GIPC1: variants seen among roughly 807,000 people sequenced by gnomAD.
The protein encoded by GIPC1 is GIPC PDZ domain containing family member 1.
GIPC1 carries 15 observed loss-of-function variants against 28.5 expected under a neutral mutation model. The observed-to-expected ratio is 0.53, with a 90% CI of 0.35 to 0.81. The LOEUF is 0.81. GIPC1 is among the 30% of genes least tolerant of loss of function. The pLI is 0.01. For synonymous variants in GIPC1, 224 were observed against 206.1 expected (o/e 1.09, Z -0.74); for missense variants, 439 against 481.9 (o/e 0.91, Z 0.83).
chr19:14,488,370 G>C (rs1470594943), intron 3 of GIPC1, among the ~76,000 whole-genome samples: 1 of 152,088 alleles, frequency 6.6e-6, no homozygotes, highest in Admixed American at 6.6e-5. Flanking sequence ...AGAATCACTT[G>C]AATGCAGGAG....
Position 14,482,701 on chromosome 19 carries a change from CAGGCGGA to C in GIPC1, c.269_275del (p.Phe90CysfsTer6). ...CCCCAGTGGATACCTCGGCAGTTGG[CAGGCGGA>C]AGGCCTCGGCGATCTTGCCATACAG... On this transcript the variant is annotated frameshift_variant, in exon 4 of 9. Coordinates refer to ENST00000393033, the MANE Select transcript of GIPC1 (RefSeq NM_005716.4). LOFTEE classifies it high-confidence loss of function. 6.2e-7 allele frequency: 1 copy of C among 1,611,250 alleles called. No individual in the cohort carries two copies. The highest frequency in any genetic ancestry group is 1.3e-5 in the African/African-American group (1 of 75,008).
chr19:14,485,074 C>T (rs966195537), intron 3 of GIPC1, among the ~76,000 whole-genome samples: 1 of 151,702 alleles, frequency 6.6e-6, no homozygotes, highest in African/African-American at 2.4e-5. Context: ...ACGAGAGAAT[C>T]GCTTGAACCT....
At chr19:14,489,681 TA>T (rs2071924110) in intron 3 of GIPC1, 5 of 785,158 alleles carry the variant, frequency 6.4e-6, no homozygotes, top group Non-Finnish European at 1.2e-5. Context: ...TACTATGATG[TA>T]AAAATTAGGT....
intron 2 of GIPC1, among the ~76,000 whole-genome samples, 152 bp from the exon 3 acceptor site, chr19:14,491,895 A>C (rs1699587334): frequency 6.6e-6 from 1 of 151,978 alleles, no homozygotes; most frequent in South Asian, 2.1e-4. Context: ...ATGAGCCACC[A>C]CGCCCAGCCA....
intron 5 of GIPC1, 47 bp downstream of exon 5, chr19:14,480,546 C>T: frequency 6.2e-7 from 1 of 1,605,498 alleles, no homozygotes; most frequent in Non-Finnish European, 8.5e-7. Flanking sequence ...GGTCCCATGG[C>T]CCACCCTCAC....
chr19:14,485,702 T>G lies in GIPC1; in HGVS notation c.-30-2696A>C, dbSNP rs201666181. Among the ~76,000 whole-genome samples, 535 of 58,670 alleles carry G rather than the reference T, an allele frequency of 9.1e-3. 5 individuals are homozygous for G. The highest frequency in any genetic ancestry group is 0.029 in the East Asian group (88 of 3,022). The allele number at this position is 58,670 out of a possible 152,430, so 38.5% of individuals were successfully genotyped here. A position where few individuals can be genotyped will look rare whatever the true frequency, so the allele number is the denominator to read the frequency against. ...ATAAACAAATATATATATATATATA[T>G]AGAGAGAGAGAGAGAGAGAGAGAGA... On this transcript the variant is annotated intron_variant, in intron 3 of 8. Transcript: ENST00000393033.
intron 2 of GIPC1, among the ~76,000 whole-genome samples, 198 bp downstream of exon 2, chr19:14,492,659 T>C (rs548616545): frequency 6.4e-4 from 98 of 152,254 alleles, no homozygotes; most frequent in African/African-American, 2.2e-3. Context: ...CCAAGATCCC[T>C]ACATCCTGAC....
In GIPC1 at chr19:14,483,026, G is replaced by C. The variant is rs182986551; in HGVS notation, c.-30-20C>G. On this transcript the variant is annotated intron_variant, in intron 3 of 8. Transcript: ENST00000393033. ...GAAGATCTGCAGGACAGGAAGTGGGGCTCAGGGCCTGGGCAGAGGCCTTGG... is the reference window on the plus strand; with the variant it reads ...GAAGATCTGCAGGACAGGAAGTGGGCCTCAGGGCCTGGGCAGAGGCCTTGG... The C allele has an allele frequency of 1.3e-6, 2 of 1,571,908 alleles. No individual in the cohort carries two copies. The highest frequency in any genetic ancestry group is 2.7e-5 in the African/African-American group (2 of 74,228).
In GIPC1 at chr19:14,482,855, C is replaced by T. The variant is rs758629720; in HGVS notation, c.122G>A (p.Gly41Glu). Residue 41 changes from glycine to glutamate, a missense_variant, in exon 4 of 9, where the codon GGG becomes GAG. Gly to Glu is a moderately conservative substitution (Grantham distance 98). Transcript: ENST00000393033. The stretch of plus-strand genomic sequence containing the variant: ...GGGGGGCAAGCCCATTTGGGGGCCC[C>T]CCGACCCACCTCCGCCCAGAGGCCC... The part of the protein sequence containing the change: ...EPGPLGGGGS[G>E]GPQMGLPPPP... 4 of 1,575,074 alleles carry T rather than the reference C, an allele frequency of 2.5e-6. No individual in the cohort carries two copies. Among genetic ancestry groups the T allele is most frequent in the Admixed American group, 3.7e-5 (2 of 54,456 alleles).
At chr19:14,487,949 G>T (rs1241403534) in intron 3 of GIPC1, among the ~76,000 whole-genome samples, 1 of 152,070 alleles carries the variant, frequency 6.6e-6, no homozygotes, top group East Asian at 1.9e-4. Flanking sequence ...CTAACGAGCT[G>T]GGATTATAGG....
rs1241225573 is a variant in GIPC1, at chr19:14,480,782, C to G, written c.289-4G>C. The G allele has an allele frequency of 1.9e-6, 3 of 1,604,722 alleles. No homozygotes were observed. Among genetic ancestry groups the G allele is most frequent in the South Asian group, 1.1e-5 (1 of 90,618 alleles). On this transcript the variant is annotated splice_region_variant and splice_polypyrimidine_tract_variant and intron_variant, in intron 4 of 8. Coordinates refer to ENST00000393033, the MANE Select transcript of GIPC1 (RefSeq NM_005716.4). ...TGTTCAGGGTGCAGAACATCACCTGCAGGGGTGGGAGACGCTGAAACCTCT... is the reference window on the plus strand; with the variant it reads ...TGTTCAGGGTGCAGAACATCACCTGGAGGGGTGGGAGACGCTGAAACCTCT...
rs746816285 is a variant in GIPC1 at position 14,480,466 on chromosome 19, A to G, written c.494T>C (p.Val165Ala). The change falls in exon 6 of 9, where the codon GTG becomes GCG. Residue 165 changes from valine (V) to alanine (A), a missense_variant. Coordinates refer to ENST00000393033, the MANE Select transcript of GIPC1 (RefSeq NM_005716.4). ...GCTGATGAGGTGGATGTGGTCGATC[A>G]CGCTGCCCTCCTTGATGCGCTGCGG... Reference protein sequence around the residue: ...AFIKRIKEGSVIDHIHLISVG... With the variant: ...AFIKRIKEGSAIDHIHLISVG... The G allele has an allele frequency of 6.2e-7, 1 of 1,612,494 alleles. No individual in the cohort carries two copies. Among genetic ancestry groups the G allele is most frequent in the Non-Finnish European group, 8.5e-7 (1 of 1,178,940 alleles).
chr19:14,495,264 T>G (rs2072051539), intron 1 of GIPC1, among the ~76,000 whole-genome samples: 1 of 119,374 alleles, frequency 8.4e-6, no homozygotes, highest in Non-Finnish European at 1.6e-5. Context: ...CCTGTTTGAG[T>G]GGCTGGTAAA....
Position 14,478,414 on chromosome 19 carries a change from T to G in GIPC1, c.*2A>C, listed in dbSNP as rs1388602632. 6.2e-7 allele frequency: 1 copy of G among 1,605,196 alleles called. No individual in the cohort carries two copies. Among genetic ancestry groups the G allele is most frequent in the Non-Finnish European group, 8.5e-7 (1 of 1,176,396 alleles). On this transcript the variant is annotated 3_prime_UTR_variant, in exon 9 of 9. Transcript: ENST00000393033. This position sits in a 1 kb window ranked among gnomAD's most constrained non-coding sequence, Gnocchi z 5.2. ...TCATCATCGCAGGGTCCGGGGGCAG[T>G]CCTAGTAGCGGCCGACCTTGGCGTC... is the stretch of plus-strand genomic sequence containing the variant.
chr19:14,486,091 G>T (rs1568365508), intron 3 of GIPC1, among the ~76,000 whole-genome samples: 1 of 152,022 alleles, frequency 6.6e-6, no homozygotes, highest in Non-Finnish European at 1.5e-5. Context: ...TTTCTCTGTT[G>T]CCCAGGCTGG....
chr19:14,478,906 G>T lies in GIPC1; in HGVS notation c.769-141C>A. 1.4e-6 allele frequency: 1 copy of T among 723,084 alleles called. No homozygotes were observed. The highest frequency in any genetic ancestry group is 2.5e-6 in the Non-Finnish European group (1 of 405,736). 44.8% of individuals were successfully genotyped at this position (723,084 alleles called of 1,614,324 possible). On this transcript the variant is annotated intron_variant, in intron 7 of 8. Transcript: ENST00000393033. The surrounding 1 kb of genome is among the most constrained non-coding windows in gnomAD (Gnocchi z 5.2). ...CCTGAGAAGGTGGTATCGGTGTTCA[G>T]CTCATCCCCATTTTACTGATGGGCA...
chr19:14,483,127 C>G, intron 3 of GIPC1, 121 bp from the exon 4 acceptor site: 1 of 656,768 alleles, frequency 1.5e-6, no homozygotes, highest in Non-Finnish European at 2.6e-6. Flanking sequence ...GGTTGAAATC[C>G]TCATCTCTTG....
chr19:14,486,815 G>A (rs1248734452), intron 3 of GIPC1, among the ~76,000 whole-genome samples: 2 of 148,538 alleles, frequency 1.3e-5, no homozygotes, highest in South Asian at 2.1e-4. Flanking sequence ...GGGTTCAAGC[G>A]ATTCACCTGC....
At position 14,478,441 on chromosome 19, in the gene GIPC1, C is replaced by T. The variant is rs2071648947; in HGVS notation, c.977G>A (p.Gly326Glu). The part of the protein sequence containing the change: ...EFVFDVWGAI[G>E]DAKVGRY ...CTAGTAGCGGCCGACCTTGGCGTCC[C>T]CAATGGCGCCCCAGACGTCAAAGAC... Residue 326 changes from glycine (G) to glutamate (E), a missense_variant, in exon 9 of 9, where the codon GGG (glycine) becomes GAG (glutamate). Gly to Glu is a moderately conservative substitution (Grantham distance 98). Coordinates refer to ENST00000393033, the MANE Select transcript of GIPC1 (RefSeq NM_005716.4). This position sits in a 1 kb window ranked among gnomAD's most constrained non-coding sequence, Gnocchi z 5.2. 1 of 1,611,282 alleles carries T rather than the reference C, an allele frequency of 6.2e-7. No individual in the cohort carries two copies. Among genetic ancestry groups the T allele is most frequent in the Non-Finnish European group, 8.5e-7 (1 of 1,178,970 alleles).
Sources: gnomAD v4.1 joint callset for allele counts (sites outside exome capture counted in the v4.1 genomes callset) on GRCh38, gnomAD v4.1.1 for gene constraint, Gnocchi (gnomAD v3.1) non-coding constraint, MANE v1.5 for transcripts, NCBI Gene and HGNC (gene_info 2026-07-23, HGNC 2026-07-21) for gene names.